RANBP17: variants seen among roughly 807,000 people sequenced by gnomAD.
RANBP17 encodes ran-binding protein 17.
Under a neutral mutation model 141.2 loss-of-function variants are expected in RANBP17, and 158 were observed. The observed-to-expected ratio is 1.12, with a 90% CI of 0.98 to 1.28. RANBP17 has a LOEUF of 1.28. Among genes scored for constraint, RANBP17 ranks in the 50% most tolerant of loss-of-function variants. RANBP17 has a pLI of 0.00. For missense variants in RANBP17, 1,438 were observed against 1,290.7 expected, an observed-to-expected ratio of 1.11 and a Z score of -1.75; for synonymous variants, 430 against 450.0, an observed-to-expected ratio of 0.96 and a Z score of 0.56.
chr5:171,179,047 T>A (rs1182372732), intron 16 of RANBP17, among the ~76,000 whole-genome samples: 3 of 152,234 alleles, frequency 2.0e-5, no homozygotes, highest in Non-Finnish European at 2.9e-5. Flanking sequence ...TTTGTCAATT[T>A]TGGCTTTTGT....
intron 4 of RANBP17, among the ~76,000 whole-genome samples, chr5:170,892,917 A>G (rs1204602847): frequency 1.3e-5 from 2 of 151,970 alleles, no homozygotes; most frequent in Non-Finnish European, 2.9e-5. Context: ...GTAAACAAGA[A>G]AACAGGCTTA....
chr5:171,064,717 C>T (rs1784187596), intron 14 of RANBP17, among the ~76,000 whole-genome samples: 1 of 151,902 alleles, frequency 6.6e-6, no homozygotes, highest in African/African-American at 2.4e-5. Context: ...CATGGGGTTT[C>T]TCCATGTTGC....
chr5:170,947,493 A>G (rs1479198298), intron 12 of RANBP17, among the ~76,000 whole-genome samples: 1 of 151,652 alleles, frequency 6.6e-6, no homozygotes, highest in African/African-American at 2.4e-5. Context: ...GAAAGAAGAT[A>G]GGAAATGCTG....
At chr5:170,979,142 G>A (rs1581298272) in intron 14 of RANBP17, among the ~76,000 whole-genome samples, 1 of 152,144 alleles carries the variant, frequency 6.6e-6, no homozygotes, top group African/African-American at 2.4e-5. Flanking sequence ...AAAATAATAT[G>A]TGCATGGGAT....
chr5:171,061,468 G>A (rs1231888253), intron 14 of RANBP17, among the ~76,000 whole-genome samples: 5 of 151,906 alleles, frequency 3.3e-5, no homozygotes, highest in South Asian at 2.1e-4. Context: ...GTAGTTGAGC[G>A]GTTTTGAGTG....
At chr5:171,247,888 AAAATC>A (rs1765304973) in intron 24 of RANBP17, among the ~76,000 whole-genome samples, 1 of 152,184 alleles carries the variant, frequency 6.6e-6, no homozygotes, top group Non-Finnish European at 1.5e-5. Context: ...ACATGCCAAA[AAAATC>A]AAATCATTAT....
At chr5:171,297,015 G>A (rs1768862339) in intron 27 of RANBP17, among the ~76,000 whole-genome samples, 1 of 152,166 alleles carries the variant, frequency 6.6e-6, no homozygotes, top group Non-Finnish European at 1.5e-5. Context: ...CTACTCCTCA[G>A]GTTCTTTACC....
intron 14 of RANBP17, among the ~76,000 whole-genome samples, chr5:171,115,426 A>G (rs1029530079): frequency 1.3e-5 from 2 of 152,228 alleles, no homozygotes; most frequent in African/African-American, 4.8e-5. Flanking sequence ...GTGGACACAG[A>G]GACTGTTCAC....
chr5:171,049,547 G>A (rs988777292), intron 14 of RANBP17, among the ~76,000 whole-genome samples: 6 of 152,048 alleles, frequency 3.9e-5, no homozygotes, highest in African/African-American at 1.4e-4. Flanking sequence ...CTTTGCCAAG[G>A]CCTATGTACA....
intron 5 of RANBP17, among the ~76,000 whole-genome samples, chr5:170,899,598 GT>G (rs1163197877): frequency 5.3e-5 from 8 of 152,244 alleles, no homozygotes; most frequent in African/African-American, 1.9e-4. Flanking sequence ...TCTTGTGCCG[GT>G]TTTCAAAGGG....
chr5:171,003,612 G>C (rs1312790243), intron 14 of RANBP17, among the ~76,000 whole-genome samples: 1 of 152,204 alleles, frequency 6.6e-6, no homozygotes, highest in Non-Finnish European at 1.5e-5. Context: ...GAAGGAGCAG[G>C]AGGGTGTCCT....
chr5:170,992,025 A>G (rs1778542347), intron 14 of RANBP17, among the ~76,000 whole-genome samples: 6 of 152,006 alleles, frequency 3.9e-5, no homozygotes, highest in Admixed American at 3.9e-4. Context: ...GTTTCCTAAT[A>G]CCAGGCAGAA....
At chr5:171,008,597 A>AG (rs1340208250) in intron 14 of RANBP17, among the ~76,000 whole-genome samples, 1 of 152,194 alleles carries the variant, frequency 6.6e-6, no homozygotes, top group Non-Finnish European at 1.5e-5. Context: ...TTTTGCGGGT[A>AG]GGGGGTGAAT....
intron 24 of RANBP17, among the ~76,000 whole-genome samples, chr5:171,262,080 C>A (rs1259246992): frequency 6.6e-6 from 1 of 152,204 alleles, no homozygotes; most frequent in Middle Eastern, 3.2e-3. Context: ...ACAGCTGACT[C>A]AGTAGATGGG....
chr5:170,925,308 G>A (rs557189573), intron 12 of RANBP17, among the ~76,000 whole-genome samples: 8 of 152,016 alleles, frequency 5.3e-5, no homozygotes, highest in African/African-American at 1.4e-4. Flanking sequence ...TTAAAAATGC[G>A]TTTTATTATC....
chr5:171,287,572 T>C (rs565102771), intron 25 of RANBP17, among the ~76,000 whole-genome samples: 3 of 144,012 alleles, frequency 2.1e-5, no homozygotes, highest in Non-Finnish European at 4.6e-5. Context: ...CTGATCATCC[T>C]TTTTTTTTTT....
intron 23 of RANBP17, among the ~76,000 whole-genome samples, chr5:171,242,342 A>G (rs1764929054): frequency 6.6e-6 from 1 of 152,210 alleles, no homozygotes; most frequent in Non-Finnish European, 1.5e-5. Context: ...TTTGTGTTTA[A>G]AAAACCAACA....
chr5:171,100,765 C>T (rs1181910475), intron 14 of RANBP17, among the ~76,000 whole-genome samples: 5 of 152,146 alleles, frequency 3.3e-5, no homozygotes, highest in African/African-American at 1.2e-4. Flanking sequence ...CTAAACACTG[C>T]GTTAGCTGTG....
intron 14 of RANBP17, among the ~76,000 whole-genome samples, chr5:171,103,166 C>T (rs1219396574): frequency 2.6e-5 from 4 of 152,180 alleles, no homozygotes; most frequent in African/African-American, 4.8e-5. Flanking sequence ...AGCCGGCAGG[C>T]GGGCACATTT....
Sources: gnomAD v4.1 joint callset for allele counts (sites outside exome capture counted in the v4.1 genomes callset) on GRCh38, gnomAD v4.1.1 for gene constraint, MANE v1.5 for transcripts, NCBI Gene and HGNC (gene_info 2026-07-23, HGNC 2026-07-21) for gene names.